The following MYO5B variants were observed in gnomAD, a reference collection of about 807,000 sequenced individuals.
MYO5B encodes myosin VB.
In MYO5B, 143 loss-of-function variants were observed where a neutral mutation model predicts 229.3. The ratio of observed to expected loss-of-function variants is 0.62; its 90% CI spans 0.54 to 0.72. The LOEUF (loss-of-function observed/expected upper bound fraction) is 0.72. MYO5B is among the 30% of genes least tolerant of loss of function. The pLI is 0.00. For missense variants in MYO5B, 2,321 were observed against 2,331.0 expected (o/e 1.00, Z 0.09); for synonymous variants, 918 against 885.2 (o/e 1.04, Z -0.66).
At position 49,864,255 on chromosome 18, in the gene MYO5B, C is replaced by A; in HGVS notation, c.3729G>T (p.Leu1243=). Residue 1243 remains leucine (L), a synonymous_variant, in exon 28 of 40, where the codon CTG becomes CTT. Transcript: ENST00000285039. ...SHGSPDSYSL[L]LNQLKLAHEE... ...CGTGGGCCAGCTTGAGCTGGTTCAG[C>A]AGGAGGCTGTAGCTATCTGGGGAGC... is the stretch of plus-strand genomic sequence containing the variant. The A allele has an allele frequency of 6.2e-7, 1 of 1,614,176 alleles. No individual in the cohort carries two copies. Among genetic ancestry groups the A allele is most frequent in the Non-Finnish European group, 8.5e-7 (1 of 1,180,036 alleles).
intron 1 of MYO5B, among the ~76,000 whole-genome samples, chr18:50,155,216 T>A (rs1181440850): frequency 6.6e-6 from 1 of 152,182 alleles, no homozygotes; most frequent in African/African-American, 2.4e-5. Context: ...AGGCCTCACT[T>A]CACACAGTTA....
At chr18:50,028,443 G>C (rs1282538209) in intron 4 of MYO5B, among the ~76,000 whole-genome samples, 1 of 152,184 alleles carries the variant, frequency 6.6e-6, no homozygotes, top group Non-Finnish European at 1.5e-5. Context: ...AGGGTGGCCA[G>C]ATAGGAGAGT....
intron 39 of MYO5B, among the ~76,000 whole-genome samples, chr18:49,830,014 C>A (rs1219617974): frequency 6.6e-6 from 1 of 152,134 alleles, no homozygotes; most frequent in East Asian, 1.9e-4. Context: ...GATAAGGATG[C>A]CTGTTCTTAC....
chr18:50,174,815 A>G (rs1324955063), intron 1 of MYO5B, among the ~76,000 whole-genome samples: 2 of 152,230 alleles, frequency 1.3e-5, no homozygotes, highest in Admixed American at 1.3e-4. Flanking sequence ...CAAATGCCTT[A>G]CATAGGTGCT....
intron 1 of MYO5B, among the ~76,000 whole-genome samples, chr18:50,167,576 C>G (rs1401433277): frequency 2.0e-5 from 3 of 152,298 alleles, no homozygotes; most frequent in South Asian, 2.1e-4. Flanking sequence ...AAAATCAGAA[C>G]TGGCTGACTC....
chr18:49,961,692 C>G (rs960774375), intron 12 of MYO5B, among the ~76,000 whole-genome samples: 1 of 152,196 alleles, frequency 6.6e-6, no homozygotes, highest in Non-Finnish European at 1.5e-5. Flanking sequence ...AGCAGGAAAC[C>G]AGAGGCTAAA....
At chr18:49,863,147 A>T in intron 29 of MYO5B, 80 bp downstream of exon 29, 5 of 1,085,396 alleles carry the variant, frequency 4.6e-6, no homozygotes, top group Non-Finnish European at 7.1e-6. Flanking sequence ...TCATCACCTG[A>T]GGAAAACCCC....
At chr18:49,876,774 G>T (rs1194890638) in intron 25 of MYO5B, among the ~76,000 whole-genome samples, 1 of 152,208 alleles carries the variant, frequency 6.6e-6, no homozygotes, top group Non-Finnish European at 1.5e-5. Flanking sequence ...TACTAAGTGC[G>T]TCTGGCAGGC....
At chr18:49,945,770 G>A (rs2025365655) in intron 14 of MYO5B, among the ~76,000 whole-genome samples, 1 of 151,988 alleles carries the variant, frequency 6.6e-6, no homozygotes. Flanking sequence ...AGGAGGAGGA[G>A]GAGAGGAGAG....
intron 1 of MYO5B, among the ~76,000 whole-genome samples, chr18:50,086,598 T>A (rs2031335008): frequency 6.6e-6 from 1 of 152,226 alleles, no homozygotes; most frequent in South Asian, 2.1e-4. Context: ...TACCATACAC[T>A]GTGCAGGCAC....
At chr18:50,045,242 T>C (rs1357766072) in intron 2 of MYO5B, among the ~76,000 whole-genome samples, 3 of 152,188 alleles carry the variant, frequency 2.0e-5, no homozygotes, top group Non-Finnish European at 2.9e-5. Flanking sequence ...GGGGAGATAA[T>C]GTGGTTTTCT....
At chr18:50,048,197 C>T (rs1378215617) in intron 2 of MYO5B, among the ~76,000 whole-genome samples, 1 of 150,602 alleles carries the variant, frequency 6.6e-6, no homozygotes, top group Non-Finnish European at 1.5e-5. Context: ...TCACCATCTT[C>T]TCCAATCCCC....
At chr18:50,022,539 C>T (rs1353653415) in intron 4 of MYO5B, among the ~76,000 whole-genome samples, 1 of 152,114 alleles carries the variant, frequency 6.6e-6, no homozygotes, top group Admixed American at 6.5e-5. Flanking sequence ...GGACAAATGC[C>T]ACAGAGTTCA....
intron 10 of MYO5B, among the ~76,000 whole-genome samples, chr18:49,971,573 C>T (rs2086719567): frequency 2.6e-5 from 4 of 152,126 alleles, no homozygotes; most frequent in Admixed American, 2.0e-4. Flanking sequence ...TTTTAATCTC[C>T]TAAGAGTTCT....
intron 1 of MYO5B, among the ~76,000 whole-genome samples, chr18:50,070,254 C>A: frequency 6.6e-6 from 1 of 152,108 alleles, no homozygotes; most frequent in African/African-American, 2.4e-5. Flanking sequence ...GAACTCCTGA[C>A]CTCAGGTGAT....
At chr18:50,060,864 T>A (rs1598990078) in intron 1 of MYO5B, among the ~76,000 whole-genome samples, 1 of 152,146 alleles carries the variant, frequency 6.6e-6, no homozygotes, top group Non-Finnish European at 1.5e-5. Flanking sequence ...CCTCTAGGGG[T>A]GGGAACCAGG....
chr18:49,977,447 G>C (rs914062966), intron 9 of MYO5B, among the ~76,000 whole-genome samples: 3 of 152,126 alleles, frequency 2.0e-5, no homozygotes, highest in African/African-American at 7.2e-5. Flanking sequence ...TCCAATAGAA[G>C]CTCCATCCTA....
chr18:50,069,847 G>C (rs2030910782), intron 1 of MYO5B, among the ~76,000 whole-genome samples: 1 of 151,958 alleles, frequency 6.6e-6, no homozygotes, highest in Non-Finnish European at 1.5e-5. Flanking sequence ...AAGTTTAATT[G>C]AAGAGTTCCA....
At chr18:50,168,044 T>C (rs556541464) in intron 1 of MYO5B, among the ~76,000 whole-genome samples, 1 of 152,352 alleles carries the variant, frequency 6.6e-6, no homozygotes, top group South Asian at 2.1e-4. Context: ...ATATTGCACT[T>C]ATATGAAGTA....
Sources: allele counts gnomAD v4.1 joint callset (sites outside exome capture counted in the v4.1 genomes callset), GRCh38; gene constraint gnomAD v4.1.1; transcripts MANE v1.5; gene names NCBI Gene and HGNC (gene_info 2026-07-23, HGNC 2026-07-21).